SNX6: variants seen among roughly 807,000 people sequenced by gnomAD.
The protein encoded by SNX6 is sorting nexin 6.
SNX6 carries 34 observed loss-of-function variants against 63.0 expected under a neutral mutation model. The ratio of observed to expected loss-of-function variants is 0.54; its 90% CI spans 0.41 to 0.72. The LOEUF (loss-of-function observed/expected upper bound fraction) is 0.72. SNX6 is among the 30% of genes least tolerant of loss of function. The pLI is 0.00. For missense variants in SNX6, 398 were observed against 471.4 expected (o/e 0.84, Z 1.44); for synonymous variants, 170 against 164.2 (o/e 1.04, Z -0.27).
At chr14:34,568,089 A>T in intron 11 of SNX6, 76 bp from the exon 12 acceptor site, 1 of 1,204,412 alleles carries the variant, frequency 8.3e-7, no homozygotes, top group African/African-American at 1.5e-5. Flanking sequence ...CACTGTCACC[A>T]CCACCACAAC....
chr14:34,571,630 GCA>G (rs1166190481), intron 11 of SNX6, among the ~76,000 whole-genome samples: 1 of 152,124 alleles, frequency 6.6e-6, no homozygotes, highest in Non-Finnish European at 1.5e-5. Flanking sequence ...AAGGGAGAGA[GCA>G]CAGAGGATTT....
At chr14:34,564,192 A>G (rs1440769864) in intron 13 of SNX6, among the ~76,000 whole-genome samples, 1 of 148,802 alleles carries the variant, frequency 6.7e-6, no homozygotes, top group Non-Finnish European at 1.5e-5. Context: ...CACGCTGGCT[A>G]ATTTTTTGTA....
chr14:34,604,050 TG>T (rs767112911), intron 5 of SNX6: 11,631 of 978,256 alleles, frequency 0.012, 28 homozygotes, highest in Non-Finnish European at 0.013. Flanking sequence ...CATGTCAGTT[TG>T]GGGGAAAAAA....
chr14:34,562,977 T>C lies in SNX6; in HGVS notation c.*145A>G, dbSNP rs538377681. The C allele has an allele frequency of 3.7e-5, 28 of 766,306 alleles. No individual in the cohort carries two copies. In the African/African-American group the frequency reaches 3.7e-4, roughly 10 times the overall value. The allele number at this position is 766,306 out of a possible 1,614,324, so 47.5% of individuals were successfully genotyped here. The stretch of plus-strand genomic sequence containing the variant: ...CATCGCCTGGGCGTGCGCTGCTCCA[T>C]GTTTCTCAGAAAAAGAGGAGTTGAT... On this transcript the variant is annotated 3_prime_UTR_variant, in exon 14 of 14. Coordinates refer to ENST00000362031, the MANE Select transcript of SNX6 (RefSeq NM_152233.4).
chr14:34,613,661 C>T (rs558938095), intron 2 of SNX6, among the ~76,000 whole-genome samples: 1 of 151,714 alleles, frequency 6.6e-6, no homozygotes, highest in African/African-American at 2.4e-5. Flanking sequence ...GGCGTGGTGG[C>T]GGGTGACTGA....
At position 34,595,485 on chromosome 14, in the gene SNX6, A is replaced by G. The variant is rs147348073; in HGVS notation, c.612+2065T>C. Among the ~76,000 whole-genome samples, 10 of 152,328 alleles carry G rather than the reference A, an allele frequency of 6.6e-5. No homozygotes were observed. The East Asian group carries it at 1.9e-3, about 29-fold the overall frequency. On this transcript the variant is annotated intron_variant, in intron 7 of 13. Coordinates refer to ENST00000362031, the MANE Select transcript of SNX6 (RefSeq NM_152233.4). The stretch of plus-strand genomic sequence containing the variant: ...ATGGATAAAACTAACTGGCAGGGTT[A>G]TTAAGATCACACAAGAAAATGTGGG...
intron 8 of SNX6, among the ~76,000 whole-genome samples, chr14:34,590,312 C>T (rs377724887): frequency 1.3e-5 from 2 of 151,734 alleles, no homozygotes; most frequent in East Asian, 3.9e-4. Context: ...CCTGTAGTCC[C>T]AGGTTCTCGG....
Position 34,609,740 on chromosome 14 carries a change from A to T in SNX6, c.57T>A (p.Leu19=), listed in dbSNP as rs146433149. The change falls in exon 3 of 14, where the codon CTT becomes CTA. Residue 19 remains leucine (L), a splice_region_variant and synonymous_variant. Transcript: ENST00000362031. Reference sequence around the variant, plus strand: ...TTTGAAGATCTACATTTATTGCTTTAAGCTAGAAAAAGAAAACCAGTATCT... The same window carrying T: ...TTTGAAGATCTACATTTATTGCTTTTAGCTAGAAAAAGAAAACCAGTATCT... The part of the protein sequence containing the change: ...PDFLSEEDRG[L]KAINVDLQSD... 4 of 1,592,534 alleles carry T rather than the reference A, an allele frequency of 2.5e-6. No individual in the cohort carries two copies. The East Asian group carries it at 8.9e-5, about 36-fold the overall frequency.
At chr14:34,600,149 T>A (rs563192521) in intron 6 of SNX6, among the ~76,000 whole-genome samples, 1 of 152,286 alleles carries the variant, frequency 6.6e-6, no homozygotes, top group South Asian at 2.1e-4. Context: ...TTTTTCTCTT[T>A]TGAGACAGAA....
At chr14:34,629,646 TG>T in intron 2 of SNX6, 1 of 657,228 alleles carries the variant, frequency 1.5e-6, no homozygotes, top group Non-Finnish European at 2.8e-6. Flanking sequence ...CCGCCCCGCG[TG>T]GGAGTGGAGG....
chr14:34,568,613 G>A (rs1261608967), intron 11 of SNX6: 8 of 656,132 alleles, frequency 1.2e-5, no homozygotes, highest in Non-Finnish European at 1.9e-5. Context: ...GATTACAAGC[G>A]TGAGCCACTG....
At chr14:34,591,978 G>C (rs1019756044) in intron 8 of SNX6, among the ~76,000 whole-genome samples, 2 of 152,174 alleles carry the variant, frequency 1.3e-5, no homozygotes, top group Non-Finnish European at 2.9e-5. Context: ...AGTGCTTTAT[G>C]CATACCTCCT....
intron 2 of SNX6, among the ~76,000 whole-genome samples, chr14:34,626,879 C>T (rs976643372): frequency 6.6e-6 from 1 of 151,878 alleles, no homozygotes; most frequent in African/African-American, 2.4e-5. Flanking sequence ...TAGTAGACAC[C>T]AAAAATAGGA....
Position 34,567,941 on chromosome 14 carries a change from C to T in SNX6, c.994G>A (p.Ala332Thr), listed in dbSNP as rs1048141943. ...GCCTGTAGAACATCTTTATTTTTTG[C>T]TCTTGCTTTATCCAGTGCTTTATTA... ...NANKALDKAR[A>T]KNKDVLQAET... Residue 332 changes from alanine (A) to threonine (T), a missense_variant, in exon 12 of 14, where the codon GCA becomes ACA. Coordinates refer to ENST00000362031, the MANE Select transcript of SNX6 (RefSeq NM_152233.4). 6.2e-7 allele frequency: 1 copy of T among 1,612,992 alleles called. No homozygotes were observed. Among genetic ancestry groups the T allele is most frequent in the Admixed American group, 1.7e-5 (1 of 59,976 alleles).
intron 2 of SNX6, among the ~76,000 whole-genome samples, chr14:34,610,548 ATATAAT>A (rs1482849639): frequency 6.6e-6 from 1 of 152,180 alleles, no homozygotes; most frequent in African/African-American, 2.4e-5. Flanking sequence ...AAACTATCAA[ATATAAT>A]TAAACATATT....
chr14:34,577,109 A>C (rs893854703), intron 10 of SNX6, among the ~76,000 whole-genome samples: 1 of 151,834 alleles, frequency 6.6e-6, no homozygotes, highest in African/African-American at 2.4e-5. Flanking sequence ...TTCCAGACGA[A>C]GTCTTGCTCT....
intron 10 of SNX6, among the ~76,000 whole-genome samples, chr14:34,580,611 T>C (rs911175554): frequency 6.6e-6 from 1 of 152,006 alleles, no homozygotes; most frequent in Non-Finnish European, 1.5e-5. Context: ...TTTATTCTTA[T>C]TGGTATATAG....
rs59671665 is a variant in SNX6, at chr14:34,597,647, TGAAA to T, written c.517-6_517-3del. The T allele has an allele frequency of 6.8e-3, 10,418 of 1,537,892 alleles. 357 individuals carry two copies. In the African/African-American group the frequency reaches 0.099, roughly 15 times the overall value. ...TTTATTTTTTCCTCGCACACTCAACTGAAAGAAAGGTAATTTAACATTTTTAAGG... is the reference window on the plus strand; with the variant it reads ...TTTATTTTTTCCTCGCACACTCAACTGAAAGGTAATTTAACATTTTTAAGG... On this transcript the variant is annotated splice_region_variant and splice_polypyrimidine_tract_variant and intron_variant, in intron 6 of 13. Coordinates refer to ENST00000362031, the MANE Select transcript of SNX6 (RefSeq NM_152233.4).
At chr14:34,599,344 G>A (rs539221498) in intron 6 of SNX6, among the ~76,000 whole-genome samples, 7 of 152,222 alleles carry the variant, frequency 4.6e-5, no homozygotes, top group African/African-American at 1.2e-4. Flanking sequence ...GGTGGCTCAC[G>A]CCTGTAATCC....
Sources: allele counts gnomAD v4.1 joint callset (sites outside exome capture counted in the v4.1 genomes callset), GRCh38; gene constraint gnomAD v4.1.1; transcripts MANE v1.5; gene names NCBI Gene and HGNC (gene_info 2026-07-23, HGNC 2026-07-21).